The following NPFFR2 variants were observed in gnomAD, a reference collection of about 807,000 sequenced individuals.
NPFFR2 encodes the protein neuropeptide FF receptor 2.
In NPFFR2, 15 loss-of-function variants were observed where a neutral mutation model predicts 13.1. The ratio of observed to expected loss-of-function variants is 1.15; its 90% CI spans 0.77 to 1.76. The LOEUF is 1.76. Ranked by LOEUF, NPFFR2 falls within the 40% of genes most tolerant of loss-of-function variation. The pLI is 0.00. For synonymous variants in NPFFR2, 190 were observed against 175.7 expected (o/e 1.08, Z -0.65); for missense variants, 572 against 503.5 (o/e 1.14, Z -1.30).
rs1157353693 is a variant in NPFFR2 at position 72,147,464 on chromosome 4, T to C, written c.915T>C (p.Asn305=). 3 of 1,614,186 alleles carry C rather than the reference T, an allele frequency of 1.9e-6. No individual in the cohort carries two copies. The Admixed American group carries it at 5.0e-5, about 27-fold the overall frequency. The change falls in exon 4 of 4, where the codon AAT becomes AAC. Residue 305 remains asparagine (N), a synonymous_variant. Coordinates refer to ENST00000308744, the MANE Select transcript of NPFFR2 (RefSeq NM_004885.3). ...MLSDYADLSP[N]ELQIINIYIY... ...CAGACTACGCTGACCTTTCTCCAAA[T>C]GAACTGCAGATCATCAACATCTACA...
intron 1 of NPFFR2, among the ~76,000 whole-genome samples, chr4:72,118,440 C>T (rs1296559201): frequency 6.6e-6 from 1 of 152,042 alleles, no homozygotes; most frequent in African/African-American, 2.4e-5. Context: ...GTCTGAATCA[C>T]AAAGGGATTA....
intron 2 of NPFFR2, among the ~76,000 whole-genome samples, chr4:72,133,580 C>T (rs1253521363): frequency 6.6e-6 from 1 of 152,160 alleles, no homozygotes; most frequent in Non-Finnish European, 1.5e-5. Context: ...AGCATGGAAT[C>T]TATAAATTGC....
chr4:72,060,359 C>T (rs375348289), intron 1 of NPFFR2, among the ~76,000 whole-genome samples: 1 of 152,032 alleles, frequency 6.6e-6, no homozygotes, highest in African/African-American at 2.4e-5. Flanking sequence ...GAACCTCTTT[C>T]AATGACACCA....
chr4:72,110,133 T>G (rs781103404), intron 1 of NPFFR2, among the ~76,000 whole-genome samples: 12 of 151,916 alleles, frequency 7.9e-5, no homozygotes, highest in Non-Finnish European at 1.6e-4. Flanking sequence ...CAGTGGGAGA[T>G]ACTTGAATCA....
rs541551777 is a variant in NPFFR2 at position 72,045,972 on chromosome 4, A to G, written c.-8+13772A>G. 6.6e-5 allele frequency among the ~76,000 whole-genome samples: 10 copies of G among 152,288 alleles called. No individual in the cohort carries two copies. In the Middle Eastern group the frequency reaches 0.01, roughly 155 times the overall value. Reference sequence around the variant, plus strand: ...AATGTATATGCCCTATATATGCATAAGGAGATATATATAAAGATGTTTATT... The same window carrying G: ...AATGTATATGCCCTATATATGCATAGGGAGATATATATAAAGATGTTTATT... On this transcript the variant is annotated intron_variant, in intron 1 of 3. Transcript: ENST00000308744.
intron 3 of NPFFR2, among the ~76,000 whole-genome samples, chr4:72,143,037 A>T (rs1722679124): frequency 1.3e-5 from 2 of 152,182 alleles, no homozygotes; most frequent in Admixed American, 1.3e-4. Flanking sequence ...AAAAGAAGTG[A>T]GACCTTCTGA....
intron 1 of NPFFR2, among the ~76,000 whole-genome samples, chr4:72,065,612 A>G (rs1434862820): frequency 6.6e-6 from 1 of 152,126 alleles, no homozygotes; most frequent in South Asian, 2.1e-4. Context: ...CTTCTAAGAC[A>G]CTCTCTTTCA....
intron 1 of NPFFR2, among the ~76,000 whole-genome samples, chr4:72,124,801 C>T (rs1434789746): frequency 6.6e-6 from 1 of 152,092 alleles, no homozygotes; most frequent in Admixed American, 6.6e-5. Context: ...AAATGTAAGA[C>T]CTAAAACCAT....
Position 72,147,628 on chromosome 4 carries a change from T to C in NPFFR2, c.1079T>C (p.Met360Thr). 2.5e-6 allele frequency: 4 copies of C among 1,614,138 alleles called. No homozygotes were observed. The highest frequency in any genetic ancestry group is 3.4e-6 in the Non-Finnish European group (4 of 1,180,022). The change falls in exon 4 of 4, where the codon ATG becomes ACG. Residue 360 changes from methionine to threonine, a missense_variant. Transcript: ENST00000308744. Reference sequence around the variant, plus strand: ...CTCTGCCAAAAAAGAGCAAAGCCTATGGAAGCTTATGCCCTAAAAGCTAAA... The same window carrying C: ...CTCTGCCAAAAAAGAGCAAAGCCTACGGAAGCTTATGCCCTAAAAGCTAAA... ...LQLCQKRAKP[M>T]EAYALKAKSH...
intron 1 of NPFFR2, among the ~76,000 whole-genome samples, chr4:72,128,334 T>C (rs1256401421): frequency 2.0e-5 from 3 of 152,124 alleles, no homozygotes; most frequent in Non-Finnish European, 4.4e-5. Flanking sequence ...ATATAGAGTG[T>C]ATTAGAAATA....
intron 1 of NPFFR2, among the ~76,000 whole-genome samples, 179 bp from the exon 2 acceptor site, chr4:72,128,406 A>T (rs990406750): frequency 6.6e-6 from 1 of 152,222 alleles, no homozygotes. Context: ...CTTGGTTAAA[A>T]TCCTAATAAT....
chr4:72,114,886 C>T (rs1721666655), intron 1 of NPFFR2, among the ~76,000 whole-genome samples: 1 of 152,126 alleles, frequency 6.6e-6, no homozygotes, highest in African/African-American at 2.4e-5. Flanking sequence ...TGCTACTTCC[C>T]TGCTGATGAC....
chr4:72,092,789 T>C (rs1045603000), intron 1 of NPFFR2, among the ~76,000 whole-genome samples: 1 of 152,170 alleles, frequency 6.6e-6, no homozygotes, highest in African/African-American at 2.4e-5. Context: ...TTCTTATTCA[T>C]TTTGCCATTT....
At chr4:72,130,587 T>G (rs1248863290) in intron 2 of NPFFR2, among the ~76,000 whole-genome samples, 1 of 152,156 alleles carries the variant, frequency 6.6e-6, no homozygotes, top group African/African-American at 2.4e-5. Context: ...ACCCTTCCCT[T>G]GACCCCTGCT....
At chr4:72,074,089 C>G (rs1720351609) in intron 1 of NPFFR2, among the ~76,000 whole-genome samples, 1 of 149,596 alleles carries the variant, frequency 6.7e-6, no homozygotes, top group South Asian at 2.1e-4. Context: ...AATCAATACT[C>G]TTGTGCTTTT....
At chr4:72,094,984 C>T (rs1447971626) in intron 1 of NPFFR2, among the ~76,000 whole-genome samples, 10 of 152,170 alleles carry the variant, frequency 6.6e-5, no homozygotes. Context: ...TTTACCCACT[C>T]ATTTATTTGC....
intron 1 of NPFFR2, among the ~76,000 whole-genome samples, chr4:72,103,390 ACCT>A (rs564631112): frequency 1.3e-3 from 190 of 151,860 alleles, no homozygotes; most frequent in African/African-American, 4.5e-3. Context: ...GTGCACTTTG[ACCT>A]CCTGCCTTGT....
In NPFFR2 at chr4:72,113,794, G is replaced by A. The variant is rs187127920; in HGVS notation, c.-7-14791G>A. ...TGGCACTTTCCATGTTTGAGATGTA[G>A]TCTCAGGTTCGAATAGAAGATGAGG... On this transcript the variant is annotated intron_variant, in intron 1 of 3. Transcript: ENST00000308744. Among the ~76,000 whole-genome samples the A allele has an allele frequency of 2.6e-5, 4 of 152,208 alleles. No homozygotes were observed. In the East Asian group the frequency reaches 7.8e-4, roughly 30 times the overall value.
chr4:72,043,445 T>G (rs1459173920), intron 1 of NPFFR2, among the ~76,000 whole-genome samples: 1 of 152,134 alleles, frequency 6.6e-6, no homozygotes, highest in Non-Finnish European at 1.5e-5. Context: ...ACACTCAAAG[T>G]CATCCCATGA....
Sources: gnomAD v4.1 joint callset for allele counts (sites outside exome capture counted in the v4.1 genomes callset) on GRCh38, gnomAD v4.1.1 for gene constraint, MANE v1.5 for transcripts, NCBI Gene and HGNC (gene_info 2026-07-23, HGNC 2026-07-21) for gene names.